The following GNAT3 variants were observed in gnomAD, a reference collection of about 807,000 sequenced individuals.
GNAT3 encodes guanine nucleotide-binding protein G(t) subunit alpha-3.
GNAT3 carries 31 observed loss-of-function variants against 37.7 expected under a neutral mutation model. The ratio of observed to expected loss-of-function variants is 0.82; its 90% confidence interval spans 0.62 to 1.11. GNAT3 has a LOEUF of 1.11. GNAT3 is among the 50% of genes most tolerant of loss of function. The pLI, the probability that GNAT3 is intolerant of heterozygous loss-of-function variation, is 0.00. For missense variants in GNAT3, 437 were observed against 412.5 expected, an observed-to-expected ratio of 1.06 and a Z score of -0.51; for synonymous variants, 138 against 139.8, an observed-to-expected ratio of 0.99 and a Z score of 0.09.
intron 1 of GNAT3, among the ~76,000 whole-genome samples, chr7:80,505,873 A>G (rs1460146950): frequency 1.3e-5 from 2 of 152,196 alleles, no homozygotes; most frequent in Admixed American, 6.5e-5. Flanking sequence ...CAAATTCTAC[A>G]TTGATATATT....
intron 3 of GNAT3, among the ~76,000 whole-genome samples, chr7:80,481,057 TAC>T (rs1790383957): frequency 6.6e-6 from 1 of 152,166 alleles, no homozygotes; most frequent in Non-Finnish European, 1.5e-5. Context: ...TTGAATTGAC[TAC>T]AGTTTTTTTC....
chr7:80,497,553 T>TATATACATATACGC (rs1562732568), intron 1 of GNAT3, among the ~76,000 whole-genome samples: 7 of 141,256 alleles, frequency 5.0e-5, no homozygotes, highest in Admixed American at 1.4e-4. Context: ...CACATATACG[T>TATATACATATACGC]ATATACATAT....
intron 3 of GNAT3, among the ~76,000 whole-genome samples, chr7:80,484,837 C>T (rs974749632): frequency 5.3e-5 from 8 of 152,072 alleles, no homozygotes; most frequent in African/African-American, 1.9e-4. Flanking sequence ...CATATCCCAT[C>T]TCTCTCCTAC....
intron 5 of GNAT3, among the ~76,000 whole-genome samples, chr7:80,464,719 A>C (rs1386880642): frequency 6.6e-6 from 1 of 152,104 alleles, no homozygotes; most frequent in Non-Finnish European, 1.5e-5. Flanking sequence ...GGAGTAATAA[A>C]TGTCTACCGA....
intron 5 of GNAT3, among the ~76,000 whole-genome samples, chr7:80,470,174 T>C (rs1450535701): frequency 6.6e-6 from 1 of 152,102 alleles, no homozygotes; most frequent in Non-Finnish European, 1.5e-5. Flanking sequence ...ATACCTGTTT[T>C]AGTATATAGC....
intron 3 of GNAT3, among the ~76,000 whole-genome samples, chr7:80,484,121 G>T (rs1393850620): frequency 2.6e-5 from 4 of 151,884 alleles, no homozygotes; most frequent in Non-Finnish European, 5.9e-5. Context: ...GGACTACATT[G>T]TATAGAAAAT....
intron 1 of GNAT3, among the ~76,000 whole-genome samples, chr7:80,495,070 A>AT (rs554047589): frequency 0.022 from 3,203 of 148,680 alleles, 104 homozygotes; most frequent in African/African-American, 0.072. Context: ...CAAAGACATG[A>AT]TTTTTTTTTT....
At chr7:80,495,612 G>A (rs555630296) in intron 1 of GNAT3, among the ~76,000 whole-genome samples, 1 of 152,138 alleles carries the variant, frequency 6.6e-6, no homozygotes, top group African/African-American at 2.4e-5. Context: ...TGGGATTACA[G>A]GCGCATGCCA....
chr7:80,458,733 C>G lies in GNAT3; in HGVS notation c.1003G>C (p.Val335Leu), dbSNP rs929765875. 6.3e-7 allele frequency: 1 copy of G among 1,599,730 alleles called. No homozygotes were observed. Among genetic ancestry groups the G allele is most frequent in the Non-Finnish European group, 8.5e-7 (1 of 1,172,668 alleles). Residue 335 changes from valine (V) to leucine (L), a missense_variant, in exon 8 of 8, where the codon GTG (valine) becomes CTG (leucine). By Grantham distance (32) the Val-to-Leu change is conservative (BLOSUM62 1). Transcript: ENST00000398291. ...ATTATATCTGTAACTGCGTCAAACA[C>G]AAACTTGACATTTTGGGTGTCAGTA... ...CATDTQNVKF[V>L]FDAVTDIIIK...
chr7:80,473,253 A>G (rs964366808), intron 5 of GNAT3, among the ~76,000 whole-genome samples: 2 of 152,176 alleles, frequency 1.3e-5, no homozygotes, highest in Non-Finnish European at 2.9e-5. Flanking sequence ...TGGGCCTAAA[A>G]TTTAGATACG....
chr7:80,463,376 A>T lies in GNAT3; in HGVS notation c.591-745T>A, dbSNP rs77581975. 6.0e-3 allele frequency among the ~76,000 whole-genome samples: 918 copies of T among 152,150 alleles called. 28 individuals are homozygous for T. In the East Asian group the frequency reaches 0.066, roughly 11 times the overall value. ...TTTTAAAAACTAGGAGCTAGGCAGTAAAAAGTTAGGTTGATATCAAAGGAG... is the reference window on the plus strand; with the variant it reads ...TTTTAAAAACTAGGAGCTAGGCAGTTAAAAGTTAGGTTGATATCAAAGGAG... On this transcript the variant is annotated intron_variant, in intron 5 of 7. Coordinates refer to ENST00000398291, the MANE Select transcript of GNAT3 (RefSeq NM_001102386.3).
At chr7:80,478,760 T>G in intron 4 of GNAT3, 81 bp downstream of exon 4, 1 of 1,368,088 alleles carries the variant, frequency 7.3e-7, no homozygotes, top group Non-Finnish European at 1.0e-6. Flanking sequence ...CATTTGAATT[T>G]ACAAATGCAA....
intron 3 of GNAT3, among the ~76,000 whole-genome samples, chr7:80,487,049 A>T (rs576574717): frequency 6.6e-6 from 1 of 152,180 alleles, no homozygotes; most frequent in Non-Finnish European, 1.5e-5. Flanking sequence ...AGCAAAAAGC[A>T]CTATAATGGA....
intron 1 of GNAT3, among the ~76,000 whole-genome samples, chr7:80,497,884 A>G (rs1167901570): frequency 6.6e-6 from 1 of 152,076 alleles, no homozygotes; most frequent in Non-Finnish European, 1.5e-5. Flanking sequence ...TTTCTACAAT[A>G]AAGTGAAAAT....
intron 2 of GNAT3, among the ~76,000 whole-genome samples, chr7:80,491,594 G>A (rs945828201): frequency 4.6e-5 from 7 of 152,114 alleles, no homozygotes; most frequent in Non-Finnish European, 8.8e-5. Flanking sequence ...TAGACGAACC[G>A]GGAAAGAGTT....
intron 1 of GNAT3, among the ~76,000 whole-genome samples, chr7:80,500,349 A>G (rs1790811027): frequency 6.6e-6 from 1 of 152,060 alleles, no homozygotes; most frequent in Non-Finnish European, 1.5e-5. Context: ...TTTGAACCTC[A>G]ATAAAGATAT....
intron 1 of GNAT3, among the ~76,000 whole-genome samples, chr7:80,500,065 C>T (rs1159617542): frequency 6.6e-6 from 1 of 152,084 alleles, no homozygotes; most frequent in Non-Finnish European, 1.5e-5. Context: ...AACCATACCC[C>T]ATGTAAGAGC....
chr7:80,509,899 A>G (rs1236803511), intron 1 of GNAT3, among the ~76,000 whole-genome samples: 2 of 152,168 alleles, frequency 1.3e-5, no homozygotes, highest in Non-Finnish European at 2.9e-5. Flanking sequence ...CGATATGTTG[A>G]AGTAAAAATA....
chr7:80,479,753 A>G (rs1790362268), intron 3 of GNAT3, among the ~76,000 whole-genome samples: 1 of 151,618 alleles, frequency 6.6e-6, no homozygotes, highest in African/African-American at 2.4e-5. Flanking sequence ...ATGGAAATAA[A>G]TTCATTATTC....
Sources: allele counts gnomAD v4.1 joint callset (sites outside exome capture counted in the v4.1 genomes callset), GRCh38; gene constraint gnomAD v4.1.1; transcripts MANE v1.5; gene names NCBI Gene and HGNC (gene_info 2026-07-23, HGNC 2026-07-21).